ADAM9: variants seen among roughly 807,000 people sequenced by gnomAD.
The protein encoded by ADAM9 is ADAM metallopeptidase domain 9, also known as disintegrin and metalloproteinase domain-containing protein 9.
A neutral mutation model predicts 108.1 loss-of-function variants in ADAM9; 54 were observed. That is an observed-to-expected ratio of 0.50 (90% CI 0.40 to 0.63). ADAM9 has a LOEUF of 0.63. Ranked by LOEUF, ADAM9 falls within the 20% of genes least tolerant of loss-of-function variation. ADAM9 has a pLI of 0.00. For synonymous variants in ADAM9, 316 were observed against 336.0 expected (o/e 0.94, Z 0.65); for missense variants, 830 against 997.7 (o/e 0.83, Z 2.26).
chr8:39,080,772 T>G (rs1838995636), intron 16 of ADAM9, among the ~76,000 whole-genome samples: 1 of 152,104 alleles, frequency 6.6e-6, no homozygotes, highest in African/African-American at 2.4e-5. Context: ...ACCTTCATTT[T>G]TATTGTCCCA....
At chr8:39,070,752 T>C (rs987105797) in intron 14 of ADAM9, among the ~76,000 whole-genome samples, 9 of 149,740 alleles carry the variant, frequency 6.0e-5, no homozygotes, top group Non-Finnish European at 7.4e-5. Flanking sequence ...AGTGAGATCC[T>C]GTCTCTTAAA....
chr8:39,053,498 A>G (rs1186796978), intron 12 of ADAM9, among the ~76,000 whole-genome samples: 1 of 152,208 alleles, frequency 6.6e-6, no homozygotes, highest in Non-Finnish European at 1.5e-5. Flanking sequence ...TTCAAGATGT[A>G]CATTAAAGTT....
At chr8:39,041,775 T>C (rs1228358023) in intron 11 of ADAM9, among the ~76,000 whole-genome samples, 171 bp from the exon 12 acceptor site, 1 of 152,218 alleles carries the variant, frequency 6.6e-6, no homozygotes, top group African/African-American at 2.4e-5. Flanking sequence ...GTAGCTGAAG[T>C]AATGTTCAAT....
intron 18 of ADAM9, 190 bp from the exon 19 acceptor site, chr8:39,089,850 AATAAAAG>A (rs1476958887): frequency 1.7e-6 from 1 of 598,208 alleles, no homozygotes; most frequent in Non-Finnish European, 3.0e-6. Flanking sequence ...AGAAGAAACT[AATAAAAG>A]TGGTTATTTT....
intron 12 of ADAM9, among the ~76,000 whole-genome samples, chr8:39,047,625 C>T (rs1225948452): frequency 6.6e-6 from 1 of 151,898 alleles, no homozygotes; most frequent in Non-Finnish European, 1.5e-5. Context: ...TTATTTATGG[C>T]ATCAGTTGAA....
At chr8:39,038,156 C>G (rs2129435869) in intron 11 of ADAM9, among the ~76,000 whole-genome samples, 1 of 152,340 alleles carries the variant, frequency 6.6e-6, no homozygotes, top group Non-Finnish European at 1.5e-5. Flanking sequence ...TAGTCTTCCT[C>G]TTAATAGAAC....
At chr8:39,031,489 CA>C in intron 11 of ADAM9, among the ~76,000 whole-genome samples, 1 of 152,290 alleles carries the variant, frequency 6.6e-6, no homozygotes, top group Non-Finnish European at 1.5e-5. Context: ...CCATGGTTTT[CA>C]GCTCCATCAG....
Position 38,997,026 on chromosome 8 carries a change from C to T in ADAM9, c.-38C>T, listed in dbSNP as rs370106089. On this transcript the variant is annotated 5_prime_UTR_variant, in exon 1 of 22. Coordinates refer to ENST00000487273, the MANE Select transcript of ADAM9 (RefSeq NM_003816.3). ...ATGATGGAAGAGGCGGAGGTGGAGGCGACCGAGTGCTGAGAGGAACCTGCG... is the reference window on the plus strand; with the variant it reads ...ATGATGGAAGAGGCGGAGGTGGAGGTGACCGAGTGCTGAGAGGAACCTGCG... The T allele has an allele frequency of 1.3e-6, 2 of 1,598,104 alleles. No homozygotes were observed. Among genetic ancestry groups the T allele is most frequent in the South Asian group, 2.2e-5 (2 of 90,292 alleles).
chr8:39,048,397 T>G (rs1489844680), intron 12 of ADAM9, among the ~76,000 whole-genome samples: 2 of 152,230 alleles, frequency 1.3e-5, no homozygotes, highest in Non-Finnish European at 2.9e-5. Flanking sequence ...TGTTGTCTTT[T>G]TCTATTCTAA....
rs1210822617 is a variant in ADAM9 at position 39,014,519 on chromosome 8, C to A, written c.333+476C>A. 3 of 701,604 alleles carry A rather than the reference C, an allele frequency of 4.3e-6. No homozygotes were observed. In the South Asian group the frequency reaches 4.5e-5, roughly 10 times the overall value. 43.5% of individuals were successfully genotyped at this position (701,604 alleles called of 1,614,324 possible). ...GTGTGGTCCTCTCTGCATCAGAGAA[C>A]AGAGTACTCCTGGGGACAGAGCTGG... On this transcript the variant is annotated intron_variant, in intron 4 of 21. Coordinates refer to ENST00000487273, the MANE Select transcript of ADAM9 (RefSeq NM_003816.3).
At chr8:39,064,044 T>C (rs1054522720) in intron 14 of ADAM9, among the ~76,000 whole-genome samples, 6 of 152,200 alleles carry the variant, frequency 3.9e-5, no homozygotes, top group Admixed American at 1.3e-4. Context: ...CTTCTTTCCC[T>C]ACTTTGTCCA....
intron 12 of ADAM9, among the ~76,000 whole-genome samples, chr8:39,048,587 G>C (rs1017480866): frequency 6.6e-6 from 1 of 152,112 alleles, no homozygotes; most frequent in African/African-American, 2.4e-5. Context: ...CTATTAGTTT[G>C]ATTTGGTCTG....
chr8:39,023,444 A>T (rs1048676869), intron 9 of ADAM9, 119 bp downstream of exon 9: 1 of 1,094,358 alleles, frequency 9.1e-7, no homozygotes, highest in Non-Finnish European at 1.3e-6. Flanking sequence ...AAATGAGGAA[A>T]ACTTAGCTTG....
At chr8:39,053,518 TA>T (rs1838022141) in intron 12 of ADAM9, among the ~76,000 whole-genome samples, 1 of 152,204 alleles carries the variant, frequency 6.6e-6, no homozygotes, top group Non-Finnish European at 1.5e-5. Context: ...TCATTTATTT[TA>T]AAATGTTTAT....
At chr8:39,044,481 T>A (rs1285073667) in intron 12 of ADAM9, among the ~76,000 whole-genome samples, 1 of 152,208 alleles carries the variant, frequency 6.6e-6, no homozygotes, top group African/African-American at 2.4e-5. Context: ...AGGGGGTACA[T>A]ATGTATGTTT....
At chr8:39,071,471 T>G in intron 15 of ADAM9, 68 bp downstream of exon 15, 1 of 1,319,672 alleles carries the variant, frequency 7.6e-7, no homozygotes, top group Admixed American at 2.0e-5. Flanking sequence ...GTATCTTTTT[T>G]TTTTTTTTTT....
At chr8:39,042,459 C>T (rs1330016062) in intron 12 of ADAM9, among the ~76,000 whole-genome samples, 1 of 152,050 alleles carries the variant, frequency 6.6e-6, no homozygotes, top group Admixed American at 6.6e-5. Context: ...TCTGGCACTG[C>T]CATTGCAGGA....
At chr8:39,073,995 A>G (rs923859704) in intron 15 of ADAM9, among the ~76,000 whole-genome samples, 1 of 152,168 alleles carries the variant, frequency 6.6e-6, no homozygotes, top group African/African-American at 2.4e-5. Context: ...AATGGGGATA[A>G]TAATGGCACC....
At chr8:39,088,052 G>C (rs974987008) in intron 18 of ADAM9, among the ~76,000 whole-genome samples, 2 of 152,086 alleles carry the variant, frequency 1.3e-5, no homozygotes, top group Non-Finnish European at 2.9e-5. Flanking sequence ...TATTCATTAA[G>C]TGGAAGTAGA....
Sources: allele counts gnomAD v4.1 joint callset (sites outside exome capture counted in the v4.1 genomes callset), GRCh38; gene constraint gnomAD v4.1.1; transcripts MANE v1.5; gene names NCBI Gene and HGNC (gene_info 2026-07-23, HGNC 2026-07-21).